SAP130: variants seen among roughly 807,000 people sequenced by gnomAD.
SAP130 encodes the protein Sin3A associated protein 130.
In SAP130, 16 loss-of-function variants were observed where a neutral mutation model predicts 103.2. The ratio of observed to expected loss-of-function variants is 0.16; its 90% CI spans 0.10 to 0.24. SAP130 has a LOEUF of 0.24. SAP130 is among the 10% of genes least tolerant of loss of function. The probability of loss-of-function intolerance (pLI) is 1.00; values close to 1 mark genes in which losing one functional copy is unlikely to be tolerated. For synonymous variants in SAP130, 477 were observed against 497.0 expected (o/e 0.96, Z 0.53); for missense variants, 990 against 1,359.7 (o/e 0.73, Z 4.28).
intron 16 of SAP130, among the ~76,000 whole-genome samples, chr2:127,951,336 C>T (rs986205851): frequency 6.6e-6 from 1 of 152,082 alleles, no homozygotes; most frequent in East Asian, 1.9e-4. Context: ...ACATACTTGC[C>T]CTATTTTCCT....
At chr2:128,024,875 T>C (rs1685395999) in intron 2 of SAP130, among the ~76,000 whole-genome samples, 1 of 151,254 alleles carries the variant, frequency 6.6e-6, no homozygotes, top group Non-Finnish European at 1.5e-5. Context: ...TGACACTCTG[T>C]CTCAAAAAAA....
intron 11 of SAP130, among the ~76,000 whole-genome samples, chr2:127,995,700 C>CA (rs1313398221): frequency 6.6e-6 from 1 of 152,178 alleles, no homozygotes; most frequent in Non-Finnish European, 1.5e-5. Flanking sequence ...TATTTATACT[C>CA]AGATATTTCC....
chr2:127,966,315 A>G (rs1015320733), intron 15 of SAP130, among the ~76,000 whole-genome samples: 5 of 152,116 alleles, frequency 3.3e-5, no homozygotes, highest in Non-Finnish European at 1.5e-5. Context: ...ATTGTACTCC[A>G]GCCTGGGGGA....
intron 2 of SAP130, 82 bp from the exon 3 acceptor site, chr2:128,017,997 G>C: frequency 8.8e-7 from 1 of 1,142,000 alleles, no homozygotes. Context: ...GGTACCTGAA[G>C]TTAAATCTCA....
At position 128,017,734 on chromosome 2, in the gene SAP130, C is replaced by A. The variant is rs202093295; in HGVS notation, c.294G>T (p.Pro98=). 4 of 1,614,192 alleles carry A rather than the reference C, an allele frequency of 2.5e-6. No individual in the cohort carries two copies. The highest frequency in any genetic ancestry group is 1.1e-5 in the South Asian group (1 of 91,086). The change falls in exon 3 of 21, where the codon CCG becomes CCT. Residue 98 remains proline, a synonymous_variant. Coordinates refer to ENST00000643581, the MANE Select transcript of SAP130 (RefSeq NM_001330301.2). The stretch of plus-strand genomic sequence containing the variant: ...GCACTGCTGGCGTCAGGTGTGCTGG[C>A]GGGGCTGTCACTGCAACAGGTGTGG... ...ASATPVAVTA[P]PAHLTPAVPL... is the part of the protein sequence containing the mutation.
intron 14 of SAP130, among the ~76,000 whole-genome samples, chr2:127,985,308 A>AT (rs1682295852): frequency 6.6e-6 from 1 of 152,260 alleles, no homozygotes; most frequent in Non-Finnish European, 1.5e-5. Flanking sequence ...AGTATTCATA[A>AT]ACAGCAAAGA....
intron 14 of SAP130, among the ~76,000 whole-genome samples, chr2:127,983,833 T>TTTG (rs1559067871): frequency 7.9e-6 from 1 of 126,326 alleles, no homozygotes; most frequent in African/African-American, 3.1e-5. Context: ...GTTTTTTTTT[T>TTTG]TTTTTTTTTT....
At chr2:128,001,266 G>A (rs1027488654) in intron 7 of SAP130, among the ~76,000 whole-genome samples, 2 of 152,196 alleles carry the variant, frequency 1.3e-5, no homozygotes, top group African/African-American at 2.4e-5. Context: ...GAGGCCACAG[G>A]CGGCAGCTCA....
intron 11 of SAP130, among the ~76,000 whole-genome samples, chr2:127,995,354 G>C (rs1683101288): frequency 6.6e-6 from 1 of 152,182 alleles, no homozygotes; most frequent in Non-Finnish European, 1.5e-5. Flanking sequence ...CTAGAATAGA[G>C]GGGATGGGGC....
chr2:128,018,331 A>C (rs34945051), intron 2 of SAP130, among the ~76,000 whole-genome samples: 2 of 144,222 alleles, frequency 1.4e-5, no homozygotes, highest in Non-Finnish European at 3.0e-5. Context: ...AAAAAAAAAA[A>C]CAAACCAAAA....
intron 15 of SAP130, among the ~76,000 whole-genome samples, chr2:127,965,864 A>G (rs1680620687): frequency 6.6e-6 from 1 of 151,788 alleles, no homozygotes; most frequent in Non-Finnish European, 1.5e-5. Flanking sequence ...CCTTATTATT[A>G]TTTCGATTTA....
At chr2:128,011,467 C>T (rs1382432312) in intron 6 of SAP130, among the ~76,000 whole-genome samples, 2 of 152,206 alleles carry the variant, frequency 1.3e-5, no homozygotes, top group African/African-American at 4.8e-5. Context: ...CCTTGCTTTT[C>T]ATCTACAGCC....
At position 127,955,319 on chromosome 2, in the gene SAP130, C is replaced by A; in HGVS notation, c.2089G>T (p.Val697Leu). Reference sequence around the variant, plus strand: ...ACAGTGACCGGAGTGGCCATAGACACGTGGATTTCAGACTTGGGTTTGGCA... The same window carrying A: ...ACAGTGACCGGAGTGGCCATAGACAAGTGGATTTCAGACTTGGGTTTGGCA... The part of the protein sequence containing the change: ...AGAKPKSEIH[V>L]SMATPVTVSM... The change falls in exon 16 of 21, where the codon GTG becomes TTG. Residue 697 changes from valine to leucine, a missense_variant. Around this residue, in one of 6 missense-constraint regions of SAP130, gnomAD observed 349 missense variants for 384.1 expected, o/e 0.91. Transcript: ENST00000643581. This position sits in a 1 kb window ranked among gnomAD's most constrained non-coding sequence, Gnocchi z 4.9. The A allele has an allele frequency of 6.4e-7, 1 of 1,574,040 alleles. No individual in the cohort carries two copies. Among genetic ancestry groups the A allele is most frequent in the Non-Finnish European group, 8.7e-7 (1 of 1,154,508 alleles).
Position 127,993,308 on chromosome 2 carries a change from T to C in SAP130, c.1356A>G (p.Arg452=). 6.2e-7 allele frequency: 1 copy of C among 1,610,232 alleles called. No individual in the cohort carries two copies. Among genetic ancestry groups the C allele is most frequent in the Non-Finnish European group, 8.5e-7 (1 of 1,178,916 alleles). The change falls in exon 12 of 21, where the codon AGA becomes AGG. Residue 452 remains arginine, a splice_region_variant and synonymous_variant. Transcript: ENST00000643581. ...PVAMETRSDN[R]PSVPVQFQYF... The stretch of plus-strand genomic sequence containing the variant: ...ATTGGAACTGAACGGGAACAGACGG[T>C]CTAGAGACAGAACAGATGATAGCAA...
At chr2:128,012,027 C>T (rs68011214) in intron 6 of SAP130, among the ~76,000 whole-genome samples, 38,204 of 151,956 alleles carry the variant, frequency 0.25, 5,042 homozygotes, top group African/African-American at 0.33. Context: ...TTGCCCAAGG[C>T]GGTTTCAAAC....
intron 18 of SAP130, among the ~76,000 whole-genome samples, chr2:127,948,812 A>C (rs1679302001): frequency 6.6e-6 from 1 of 152,192 alleles, no homozygotes; most frequent in Admixed American, 6.5e-5. Context: ...TCAGCTGTCA[A>C]GTTATCTTTC....
intron 15 of SAP130, among the ~76,000 whole-genome samples, chr2:127,963,690 G>C (rs1559046425): frequency 1.3e-5 from 2 of 152,134 alleles, no homozygotes; most frequent in African/African-American, 4.8e-5. Context: ...TGAATCACGG[G>C]GGCGGGTCTT....
chr2:128,009,384 T>A (rs568621409), intron 7 of SAP130, among the ~76,000 whole-genome samples: 2 of 152,196 alleles, frequency 1.3e-5, no homozygotes, highest in East Asian at 1.9e-4. Flanking sequence ...GGCAAGAGGA[T>A]CACTTGAGCC....
chr2:127,987,690 T>C (rs972132847), intron 13 of SAP130, among the ~76,000 whole-genome samples: 54 of 152,210 alleles, frequency 3.5e-4, no homozygotes, highest in Admixed American at 2.9e-3. Flanking sequence ...GAGCCACAAA[T>C]AGAAAACACT....
Sources: gnomAD v4.1 joint callset for allele counts (sites outside exome capture counted in the v4.1 genomes callset) on GRCh38, gnomAD v4.1.1 for gene constraint, gnomAD v4.1.1 regional missense constraint, Gnocchi (gnomAD v3.1) non-coding constraint, MANE v1.5 for transcripts, NCBI Gene and HGNC (gene_info 2026-07-23, HGNC 2026-07-21) for gene names.